RFFL: variants seen among roughly 807,000 people sequenced by gnomAD.
RFFL encodes the protein E3 ubiquitin-protein ligase rififylin.
A neutral mutation model predicts 40.4 loss-of-function variants in RFFL; 16 were observed. The observed-to-expected ratio is 0.40, with a 90% confidence interval of 0.27 to 0.60. RFFL has a LOEUF of 0.60. RFFL is among the 20% of genes least tolerant of loss of function. RFFL has a pLI of 0.47. For missense variants in RFFL, 367 were observed against 451.7 expected (o/e 0.81, Z 1.70); for synonymous variants, 154 against 167.9 (o/e 0.92, Z 0.64).
Position 35,021,530 on chromosome 17 carries a change from G to A in RFFL, c.432C>T (p.Asp144=). The A allele has an allele frequency of 6.2e-7, 1 of 1,612,866 alleles. No individual in the cohort carries two copies. Among genetic ancestry groups the A allele is most frequent in the Non-Finnish European group, 8.5e-7 (1 of 1,179,378 alleles). The stretch of plus-strand genomic sequence containing the variant: ...GGGACAAGGTGGAGGCACGAGTCCT[G>A]TCCTCCTGGGAGATTACAGGCTGCT... ...LGQQPVISQE[D]RTRASTLSPD... is the part of the protein sequence containing the mutation. The change falls in exon 3 of 7, where the codon GAC becomes GAT. Residue 144 remains aspartate, a synonymous_variant. Coordinates refer to ENST00000394597, the MANE Select transcript of RFFL (RefSeq NM_001017368.2).
upstream of RFFL, among the ~76,000 whole-genome samples, chr17:35,065,119 A>C (rs2142372422): frequency 6.6e-6 from 1 of 152,090 alleles, no homozygotes; most frequent in South Asian, 2.1e-4. Flanking sequence ...CTTCAACCAC[A>C]CTTTAAAAAA....
At chr17:35,015,252 C>T (rs1366740655) in intron 5 of RFFL, among the ~76,000 whole-genome samples, 1 of 152,218 alleles carries the variant, frequency 6.6e-6, no homozygotes, top group Non-Finnish European at 1.5e-5. Flanking sequence ...CAGGCATAAG[C>T]CAACACACCC....
intron 1 of RFFL, among the ~76,000 whole-genome samples, chr17:35,078,981 A>G (rs1396207057): frequency 4.8e-5 from 7 of 146,182 alleles, no homozygotes; most frequent in Non-Finnish European, 1.1e-4. Context: ...CACTGTTTCA[A>G]AAAAAAAAAA....
intron 1 of RFFL, among the ~76,000 whole-genome samples, chr17:35,047,772 TAC>T (rs1383887527): frequency 6.8e-6 from 1 of 148,034 alleles, no homozygotes; most frequent in African/African-American, 2.5e-5. Context: ...TTTTTTTAAA[TAC>T]AGAGTCTCCC....
intron 1 of RFFL, among the ~76,000 whole-genome samples, chr17:35,056,745 T>C (rs1266903010): frequency 6.6e-6 from 1 of 152,084 alleles, no homozygotes; most frequent in Non-Finnish European, 1.5e-5. Context: ...CTGCCCTATC[T>C]GCGATGATCC....
intron 1 of RFFL, among the ~76,000 whole-genome samples, chr17:35,028,283 C>T (rs1196080362): frequency 2.6e-5 from 4 of 151,624 alleles, no homozygotes; most frequent in Non-Finnish European, 4.4e-5. Context: ...GGCAGTGAGC[C>T]GAGATCGTGC....
chr17:35,062,138 C>T (rs1019487603), intron 1 of RFFL, among the ~76,000 whole-genome samples: 7 of 151,998 alleles, frequency 4.6e-5, no homozygotes, highest in African/African-American at 1.7e-4. Flanking sequence ...GGCGCGGTGG[C>T]TCACACCTGT....
chr17:35,067,605 C>A (rs1356707970), upstream of RFFL, among the ~76,000 whole-genome samples: 1 of 151,566 alleles, frequency 6.6e-6, no homozygotes, highest in East Asian at 1.9e-4. Flanking sequence ...TTACTATGCA[C>A]CACCAGGCCT....
At chr17:35,061,680 C>T in intron 1 of RFFL, among the ~76,000 whole-genome samples, 1 of 130,952 alleles carries the variant, frequency 7.6e-6, no homozygotes, top group East Asian at 2.3e-4. Context: ...CCAGGATGGT[C>T]TCAAACTCTT....
chr17:35,050,264 T>C (rs903353285), intron 1 of RFFL, among the ~76,000 whole-genome samples: 1 of 151,534 alleles, frequency 6.6e-6, no homozygotes, highest in African/African-American at 2.4e-5. Context: ...AATTAAAAAA[T>C]AGAAGGTGGT....
intron 1 of RFFL, among the ~76,000 whole-genome samples, chr17:35,038,286 CAAAAAAA>C (rs33952696): frequency 0.01 from 1,014 of 99,328 alleles, 1 homozygote; most frequent in Non-Finnish European, 0.016. Flanking sequence ...AAAACTGTCT[CAAAAAAA>C]AAAAAAAAAA....
exon 1 of RFFL, chr17:35,089,123 C>G (rs1037178045): frequency 1.3e-5 from 2 of 152,362 alleles, no homozygotes; most frequent in African/African-American, 4.8e-5. Flanking sequence ...GCCGCCCTCC[C>G]GGCCGGCACC....
chr17:35,018,469 T>C (rs769694204), intron 3 of RFFL, among the ~76,000 whole-genome samples: 3 of 152,176 alleles, frequency 2.0e-5, no homozygotes, highest in African/African-American at 4.8e-5. Flanking sequence ...ACCCCTTAAG[T>C]AGATCCTCTT....
chr17:35,047,338 G>C (rs1363666133), intron 1 of RFFL, among the ~76,000 whole-genome samples: 3 of 152,186 alleles, frequency 2.0e-5, no homozygotes, highest in Non-Finnish European at 4.4e-5. Flanking sequence ...AATTACTGCA[G>C]CCAAATGTAC....
At chr17:35,015,412 G>C (rs192556329) in intron 5 of RFFL, among the ~76,000 whole-genome samples, 1 of 152,390 alleles carries the variant, frequency 6.6e-6, no homozygotes, top group Admixed American at 6.5e-5. Context: ...CAGTCAGTCA[G>C]AGAATCTGGA....
intron 6 of RFFL, among the ~76,000 whole-genome samples, chr17:35,014,058 T>C (rs1044549680): frequency 3.9e-5 from 6 of 152,192 alleles, no homozygotes; most frequent in African/African-American, 1.4e-4. Context: ...GAACGTTCTC[T>C]CTTGGAAGGG....
At chr17:35,038,571 T>C (rs867593372) in intron 1 of RFFL, among the ~76,000 whole-genome samples, 22 of 152,196 alleles carry the variant, frequency 1.4e-4, no homozygotes, top group Non-Finnish European at 1.3e-4. Flanking sequence ...TTATGATATG[T>C]TCACAGAACA....
chr17:35,079,460 G>T (rs117780443), intron 1 of RFFL, among the ~76,000 whole-genome samples: 4,414 of 152,256 alleles, frequency 0.029, 82 homozygotes, highest in Non-Finnish European at 0.047. Flanking sequence ...AATTGTCAAC[G>T]TATTTTCCTT....
In RFFL at chr17:35,080,427, G is replaced by A. The variant is rs370880406; in HGVS notation, c.-9+8678C>T. Among the ~76,000 whole-genome samples the A allele has an allele frequency of 5.5e-3, 841 of 152,220 alleles. 6 individuals carry two copies. The highest frequency in any genetic ancestry group is 0.019 in the African/African-American group (781 of 41,532). On this transcript the variant is annotated intron_variant, in intron 1 of 6. Coordinates refer to the RFFL transcript ENST00000315249. ...TTTTGTATATTTTAGGATAAAATAC[G>A]TTGATTCAATTGCCACTAAGACTAT...
Sources: allele counts gnomAD v4.1 joint callset (sites outside exome capture counted in the v4.1 genomes callset), GRCh38; gene constraint gnomAD v4.1.1; transcripts MANE v1.5; gene names NCBI Gene and HGNC (gene_info 2026-07-23, HGNC 2026-07-21).